Variants in DYNC2H1 observed in about 807,000 individuals in gnomAD.
DYNC2H1 encodes the protein dynein cytoplasmic 2 heavy chain 1.
A neutral mutation model predicts 570.0 loss-of-function variants in DYNC2H1; 410 were observed. The ratio of observed to expected loss-of-function variants is 0.72; its 90% CI spans 0.66 to 0.78. The LOEUF (loss-of-function observed/expected upper bound fraction) is 0.78, where lower values mean the gene tolerates loss of function less well. Ranked by LOEUF, DYNC2H1 falls within the 30% of genes least tolerant of loss-of-function variation. The pLI, the probability that DYNC2H1 is intolerant of heterozygous loss-of-function variation, is 0.00. For synonymous variants in DYNC2H1, 1,688 were observed against 1,677.6 expected, an observed-to-expected ratio of 1.01 and a Z score of -0.15; for missense variants, 4,865 against 5,046.4, an observed-to-expected ratio of 0.96 and a Z score of 1.09.
chr11:103,306,321 TAG>T (rs1259890289), intron 77 of DYNC2H1, among the ~76,000 whole-genome samples: 1 of 152,232 alleles, frequency 6.6e-6, no homozygotes, highest in African/African-American at 2.4e-5. Flanking sequence ...AAAATGTAAT[TAG>T]AGTTATTATC....
At chr11:103,456,450 T>C in intron 87 of DYNC2H1, 94 bp downstream of exon 87, 2 of 937,264 alleles carry the variant, frequency 2.1e-6, no homozygotes, top group Non-Finnish European at 3.3e-6. Flanking sequence ...CCTATCTTTA[T>C]AGTGTAAGAT....
intron 85 of DYNC2H1, among the ~76,000 whole-genome samples, chr11:103,443,159 G>A (rs1944321890): frequency 6.6e-6 from 1 of 151,920 alleles, no homozygotes; most frequent in Non-Finnish European, 1.5e-5. Flanking sequence ...TATTATTTCT[G>A]AAGATACAAT....
intron 84 of DYNC2H1, chr11:103,403,709 G>A (rs957013971): frequency 2.6e-5 from 4 of 152,020 alleles, no homozygotes; most frequent in Non-Finnish European, 4.4e-5. Context: ...GTCTTCGGAT[G>A]AGACTAATAT....
Position 103,219,901 on chromosome 11 carries a change from A to G in DYNC2H1, c.8833-14A>G. 6.9e-7 allele frequency: 1 copy of G among 1,443,492 alleles called. No individual in the cohort carries two copies. Among genetic ancestry groups the G allele is most frequent in the Non-Finnish European group, 9.3e-7 (1 of 1,075,152 alleles). 89.4% of individuals were successfully genotyped at this position (1,443,492 alleles called of 1,614,324 possible). A position where few individuals can be genotyped will look rare whatever the true frequency, so the allele number is the denominator to read the frequency against. On this transcript the variant is annotated splice_polypyrimidine_tract_variant and intron_variant, in intron 55 of 88. Transcript: ENST00000375735. ...ATTAAAATTGATTGGAATGCCACTT[A>G]AATATTCTTATAGGATGCTAGTGAG...
At position 103,153,477 on chromosome 11, in the gene DYNC2H1, G is replaced by C. The variant is rs1405104332; in HGVS notation, c.3271G>C (p.Asp1091His). 1 of 1,566,524 alleles carries C rather than the reference G, an allele frequency of 6.4e-7. No homozygotes were observed. Among genetic ancestry groups the C allele is most frequent in the Middle Eastern group, 1.7e-4 (1 of 5,930 alleles). Reference sequence around the variant, plus strand: ...AATAAAAGAGAAAAAAATTGAGTTTGATGATCTTGAAGTCACAAGAAAAAA... The same window carrying C: ...AATAAAAGAGAAAAAAATTGAGTTTCATGATCTTGAAGTCACAAGAAAAAA... Reference protein sequence around the residue: ...KLIKEKKIEFDDLEVTRKKLV... With the variant: ...KLIKEKKIEFHDLEVTRKKLV... The change falls in exon 22 of 89, where the codon GAT becomes CAT. Residue 1091 changes from aspartate (D) to histidine (H), a missense_variant. By Grantham distance (81) the Asp-to-His change is moderately conservative (BLOSUM62 -1). Transcript: ENST00000375735.
intron 50 of DYNC2H1, among the ~76,000 whole-genome samples, chr11:103,202,515 A>AT (rs937808725): frequency 8.6e-5 from 13 of 151,928 alleles, no homozygotes; most frequent in African/African-American, 2.2e-4. Flanking sequence ...TAGAGCTGAC[A>AT]TTTTTTGCTA....
intron 17 of DYNC2H1, among the ~76,000 whole-genome samples, chr11:103,140,192 TTG>T (rs1859825141): frequency 6.6e-6 from 1 of 152,120 alleles, no homozygotes; most frequent in South Asian, 2.1e-4. Context: ...TGTCTTTTAA[TTG>T]TGTCTTTAAT....
chr11:103,174,223 A>T, intron 36 of DYNC2H1, 53 bp downstream of exon 36: 1 of 1,409,266 alleles, frequency 7.1e-7, no homozygotes, highest in Non-Finnish European at 9.7e-7. Context: ...CATAAGCGTT[A>T]ATTTAGAATA....
In DYNC2H1 at chr11:103,255,457, G is replaced by A. The variant is rs971127444; in HGVS notation, c.10249G>A (p.Glu3417Lys). 1.3e-6 allele frequency: 2 copies of A among 1,567,648 alleles called. No individual in the cohort carries two copies. Among genetic ancestry groups the A allele is most frequent in the East Asian group, 2.3e-5 (1 of 42,764 alleles). The change falls in exon 67 of 89, where the codon GAA becomes AAA. Residue 3417 changes from glutamate (E) to lysine (K), a missense_variant. By Grantham distance (56) the Glu-to-Lys change is moderately conservative. Around this residue, in one of 5 missense-constraint regions of DYNC2H1, gnomAD observed 2,401 missense variants for 2,454.6 expected, o/e 0.98. Transcript: ENST00000375735. ...TCAGCATGAGAAACCTGATTTAGAA[G>A]AACAGAAAACAAAACTATTACAACA... The part of the protein sequence containing the change: ...TIQHEKPDLE[E>K]QKTKLLQQEE...
intron 55 of DYNC2H1, among the ~76,000 whole-genome samples, chr11:103,219,199 A>C (rs1319033489): frequency 6.6e-6 from 1 of 152,170 alleles, no homozygotes; most frequent in Non-Finnish European, 1.5e-5. Context: ...CCTAATTAAC[A>C]TAGTGAGACC....
intron 52 of DYNC2H1, among the ~76,000 whole-genome samples, chr11:103,206,043 G>A (rs955839430): frequency 3.3e-5 from 5 of 152,142 alleles, no homozygotes; most frequent in African/African-American, 1.2e-4. Context: ...AGAGAGCAAT[G>A]GTTGGAGCAG....
At chr11:103,428,622 T>C (rs1360901433) in intron 84 of DYNC2H1, among the ~76,000 whole-genome samples, 2 of 152,128 alleles carry the variant, frequency 1.3e-5, no homozygotes, top group African/African-American at 4.8e-5. Context: ...CTCTGTCCTA[T>C]TAAACAACAG....
intron 83 of DYNC2H1, among the ~76,000 whole-genome samples, chr11:103,359,187 C>A (rs1374221888): frequency 6.6e-6 from 1 of 152,172 alleles, no homozygotes; most frequent in Admixed American, 6.5e-5. Flanking sequence ...TTGATTTAAC[C>A]TTAAAGCACA....
intron 85 of DYNC2H1, among the ~76,000 whole-genome samples, chr11:103,443,534 T>C (rs372926299): frequency 1.3e-5 from 2 of 151,834 alleles, no homozygotes; most frequent in South Asian, 4.1e-4. Context: ...TTTAAGAAAA[T>C]ATTTTTTAGT....
At chr11:103,381,046 G>A (rs994401109) in intron 83 of DYNC2H1, among the ~76,000 whole-genome samples, 2 of 152,204 alleles carry the variant, frequency 1.3e-5, no homozygotes, top group Non-Finnish European at 2.9e-5. Flanking sequence ...CAAGAAGGGA[G>A]CATGGAGGTG....
chr11:103,293,898 G>T (rs750444168), intron 75 of DYNC2H1, among the ~76,000 whole-genome samples: 11 of 152,004 alleles, frequency 7.2e-5, no homozygotes, highest in Non-Finnish European at 1.6e-4. Flanking sequence ...CCAACATGGT[G>T]AAACCCCATC....
At chr11:103,478,352 A>G (rs778408282) in intron 88 of DYNC2H1, among the ~76,000 whole-genome samples, 24 of 152,206 alleles carry the variant, frequency 1.6e-4, no homozygotes, top group Non-Finnish European at 3.4e-4. Context: ...TGGAATAAGG[A>G]ATGATAGATT....
At chr11:103,440,764 A>C (rs1240382691) in intron 85 of DYNC2H1, among the ~76,000 whole-genome samples, 2 of 152,114 alleles carry the variant, frequency 1.3e-5, no homozygotes, top group African/African-American at 2.4e-5. Flanking sequence ...TCAGTCTAAA[A>C]TTTTTGGAAT....
chr11:103,288,906 T>A lies in DYNC2H1; in HGVS notation c.11095+1301T>A, dbSNP rs1206841047. The stretch of plus-strand genomic sequence containing the variant: ...AAAAAAAAAAAAAAAAGAAAGAAAA[T>A]TATGGTTTAGGGGTCATGCAGCCTC... On this transcript the variant is annotated intron_variant, in intron 75 of 88. Coordinates refer to ENST00000375735, the MANE Select transcript of DYNC2H1 (RefSeq NM_001377.3). Among the ~76,000 whole-genome samples, 156 of 133,758 alleles carry A rather than the reference T, an allele frequency of 1.2e-3. 3 individuals carry two copies. The highest frequency in any genetic ancestry group is 2.0e-3 in the East Asian group (9 of 4,460). 87.8% of individuals were successfully genotyped at this position (133,758 alleles called of 152,430 possible).
Sources: gnomAD v4.1 joint callset for allele counts (sites outside exome capture counted in the v4.1 genomes callset) on GRCh38, gnomAD v4.1.1 for gene constraint, gnomAD v4.1.1 regional missense constraint, MANE v1.5 for transcripts, NCBI Gene and HGNC (gene_info 2026-07-23, HGNC 2026-07-21) for gene names.